The following EFNA5 variants were observed in gnomAD, a reference collection of about 807,000 sequenced individuals.
The protein encoded by EFNA5 is ephrin A5, also known as ephrin-A5.
EFNA5 carries 5 observed loss-of-function variants against 22.9 expected under a neutral mutation model. The observed-to-expected ratio is 0.22, with a 90% CI of 0.11 to 0.46. The LOEUF is 0.46. EFNA5 is among the 20% of genes least tolerant of loss of function. The pLI is 0.99. For missense variants in EFNA5, 237 were observed against 293.3 expected, an observed-to-expected ratio of 0.81 and a Z score of 1.40; for synonymous variants, 113 against 112.2, an observed-to-expected ratio of 1.01 and a Z score of -0.04.
At chr5:107,426,947 C>T in intron 2 of EFNA5, 1 of 364,462 alleles carries the variant, frequency 2.7e-6, no homozygotes, top group Non-Finnish European at 4.9e-6. Flanking sequence ...TGGAGAAGTC[C>T]TGGCAATTTT....
chr5:107,498,205 C>A (rs62355578), intron 1 of EFNA5, among the ~76,000 whole-genome samples: 18 of 152,218 alleles, frequency 1.2e-4, no homozygotes, highest in Admixed American at 1.0e-3. Context: ...CGTGAGCCAA[C>A]AAGCCCGGCC....
chr5:107,427,100 A>G (rs1458145615), intron 2 of EFNA5, 117 bp downstream of exon 2: 4 of 1,093,644 alleles, frequency 3.7e-6, no homozygotes, highest in Non-Finnish European at 5.4e-6. Flanking sequence ...GTACGCATTT[A>G]CAAGGAGATA....
At chr5:107,424,821 C>T (rs79197492) in intron 2 of EFNA5, among the ~76,000 whole-genome samples, 2,479 of 152,270 alleles carry the variant, frequency 0.016, 77 homozygotes, top group African/African-American at 0.057. Context: ...CATGTTAGCT[C>T]TGCTGCTCCT....
chr5:107,595,226 C>G (rs1174042939), intron 1 of EFNA5, among the ~76,000 whole-genome samples: 1 of 151,912 alleles, frequency 6.6e-6, no homozygotes, highest in African/African-American at 2.4e-5. Context: ...GCAGGATGAG[C>G]AGATGGAACC....
At chr5:107,585,806 C>G (rs1749175459) in intron 1 of EFNA5, among the ~76,000 whole-genome samples, 1 of 152,160 alleles carries the variant, frequency 6.6e-6, no homozygotes, top group African/African-American at 2.4e-5. Context: ...TGTTTCAGAA[C>G]TGTGGTTAGA....
chr5:107,516,766 C>T (rs545215058), intron 1 of EFNA5, among the ~76,000 whole-genome samples: 117 of 152,262 alleles, frequency 7.7e-4, no homozygotes, highest in Non-Finnish European at 1.1e-3. Context: ...AGCCAGGGCT[C>T]CTTGCTCCTC....
chr5:107,629,193 T>C (rs1442894697), intron 1 of EFNA5, among the ~76,000 whole-genome samples: 1 of 152,182 alleles, frequency 6.6e-6, no homozygotes, highest in Non-Finnish European at 1.5e-5. Context: ...AAAAAATTCA[T>C]CAAACCCAAT....
intron 1 of EFNA5, among the ~76,000 whole-genome samples, chr5:107,436,514 G>C (rs552729206): frequency 1.3e-5 from 2 of 152,244 alleles, no homozygotes; most frequent in South Asian, 4.1e-4. Context: ...TTAATGTCTG[G>C]CAATCAGTAT....
intron 2 of EFNA5, among the ~76,000 whole-genome samples, chr5:107,389,040 T>C (rs997003833): frequency 6.6e-6 from 1 of 152,182 alleles, no homozygotes; most frequent in Non-Finnish European, 1.5e-5. Context: ...AACTAAATAA[T>C]GTCAAGTAGT....
intron 1 of EFNA5, among the ~76,000 whole-genome samples, chr5:107,551,969 T>G (rs911570998): frequency 1.3e-5 from 2 of 152,176 alleles, no homozygotes; most frequent in Non-Finnish European, 2.9e-5. Context: ...TGTCTCCATA[T>G]GACCAACACT....
At chr5:107,578,284 T>C (rs1178847700) in intron 1 of EFNA5, among the ~76,000 whole-genome samples, 1 of 152,206 alleles carries the variant, frequency 6.6e-6, no homozygotes, top group African/African-American at 2.4e-5. Flanking sequence ...TGGTTATGCA[T>C]GTATACCAGG....
intron 1 of EFNA5, among the ~76,000 whole-genome samples, chr5:107,540,140 T>G: frequency 3.6e-5 from 5 of 140,698 alleles, no homozygotes; most frequent in Non-Finnish European, 4.6e-5. Flanking sequence ...ATCCTGGGGG[T>G]GAAGAGGGGG....
chr5:107,427,301 G>A lies in EFNA5; in HGVS notation c.334C>T (p.Leu112=). 2 of 1,614,094 alleles carry A rather than the reference G, an allele frequency of 1.2e-6. No individual in the cohort carries two copies. The highest frequency in any genetic ancestry group is 1.7e-6 in the Non-Finnish European group (2 of 1,180,014). The part of the protein sequence containing the change: ...CNRPHSPNGP[L]KFSEKFQLFT... The stretch of plus-strand genomic sequence containing the variant: ...AGCTGGAATTTTTCAGAGAACTTCA[G>A]CGGTCCATTTGGAGAGTGAGGCCGG... The change falls in exon 2 of 5, where the codon CTG becomes TTG. Residue 112 remains leucine (L), a synonymous_variant. Transcript: ENST00000333274.
chr5:107,633,289 G>C (rs1750298049), intron 1 of EFNA5, among the ~76,000 whole-genome samples: 3 of 152,194 alleles, frequency 2.0e-5, no homozygotes, highest in Non-Finnish European at 4.4e-5. Flanking sequence ...TTCTACTCAA[G>C]AGCCAGGATG....
chr5:107,610,068 C>G (rs1749797799), intron 1 of EFNA5, among the ~76,000 whole-genome samples: 1 of 152,122 alleles, frequency 6.6e-6, no homozygotes, highest in African/African-American at 2.4e-5. Context: ...CAAAGTGTAA[C>G]CCCAAGTTAA....
intron 1 of EFNA5, among the ~76,000 whole-genome samples, chr5:107,571,684 A>G (rs1378865697): frequency 1.3e-5 from 2 of 152,148 alleles, no homozygotes; most frequent in Admixed American, 1.3e-4. Context: ...TGGAATTTTC[A>G]TGATCCAGTT....
chr5:107,507,937 G>GT (rs1580502432), intron 1 of EFNA5, among the ~76,000 whole-genome samples: 2 of 152,202 alleles, frequency 1.3e-5, no homozygotes, highest in African/African-American at 4.8e-5. Flanking sequence ...CTGTGGGCTG[G>GT]TGCATGCTTA....
chr5:107,609,798 C>A (rs1379728703), intron 1 of EFNA5, among the ~76,000 whole-genome samples: 1 of 152,184 alleles, frequency 6.6e-6, no homozygotes, highest in African/African-American at 2.4e-5. Flanking sequence ...AGCCACCGTG[C>A]CCCTGCCCGC....
intron 1 of EFNA5, among the ~76,000 whole-genome samples, chr5:107,521,722 C>T (rs551832396): frequency 4.6e-5 from 7 of 152,180 alleles, no homozygotes; most frequent in Non-Finnish European, 1.0e-4. Flanking sequence ...GATCAAAACC[C>T]AATATTCAAA....
Sources: allele counts gnomAD v4.1 joint callset (sites outside exome capture counted in the v4.1 genomes callset), GRCh38; gene constraint gnomAD v4.1.1; transcripts MANE v1.5; gene names NCBI Gene and HGNC (gene_info 2026-07-23, HGNC 2026-07-21).